Variants in NLGN1 observed in about 807,000 individuals in gnomAD.
NLGN1 encodes neuroligin-1.
NLGN1 carries 12 observed loss-of-function variants against 65.5 expected under a neutral mutation model. The observed-to-expected ratio is 0.18, with a 90% CI of 0.12 to 0.30. The LOEUF is 0.30. Among genes scored for constraint, NLGN1 ranks in the 10% least tolerant of loss-of-function variants. The pLI is 1.00. For synonymous variants in NLGN1, 350 were observed against 359.5 expected (o/e 0.97, Z 0.30); for missense variants, 750 against 1,007.1 (o/e 0.74, Z 3.46).
intron 4 of NLGN1, among the ~76,000 whole-genome samples, chr3:173,893,017 T>C (rs1209287491): frequency 6.6e-6 from 1 of 152,178 alleles, no homozygotes; most frequent in Non-Finnish European, 1.5e-5. Flanking sequence ...GCTAATTACA[T>C]TAATATTTGA....
At chr3:173,810,592 G>A (rs77188935) in intron 4 of NLGN1, among the ~76,000 whole-genome samples, 3,477 of 152,294 alleles carry the variant, frequency 0.023, 120 homozygotes, top group East Asian at 0.17. Context: ...ATTTGAACTT[G>A]CCATGTGGAG....
At chr3:174,007,759 G>C (rs1027251217) in intron 4 of NLGN1, among the ~76,000 whole-genome samples, 12 of 152,160 alleles carry the variant, frequency 7.9e-5, no homozygotes, top group African/African-American at 2.9e-4. Context: ...CTTAGCAGGA[G>C]TCATGTTTTA....
chr3:174,160,792 C>A (rs1473146023), intron 4 of NLGN1, among the ~76,000 whole-genome samples: 1 of 151,344 alleles, frequency 6.6e-6, no homozygotes, highest in Admixed American at 6.6e-5. Context: ...ACAATCAGTT[C>A]TTTTAATTAT....
intron 4 of NLGN1, among the ~76,000 whole-genome samples, chr3:174,063,670 A>C (rs1346953537): frequency 1.3e-5 from 2 of 152,046 alleles, no homozygotes; most frequent in Non-Finnish European, 2.9e-5. Context: ...TAATGTGTGT[A>C]TTTATGTGTG....
intron 4 of NLGN1, among the ~76,000 whole-genome samples, chr3:174,063,434 A>C (rs2152521701): frequency 6.6e-6 from 1 of 152,276 alleles, no homozygotes; most frequent in Admixed American, 6.5e-5. Flanking sequence ...GGAAATTATC[A>C]ATTTTGAGAT....
chr3:174,145,196 G>C (rs149330354), intron 4 of NLGN1, among the ~76,000 whole-genome samples: 1 of 151,982 alleles, frequency 6.6e-6, no homozygotes, highest in South Asian at 2.1e-4. Context: ...TACCTATTTT[G>C]TATTTACAGA....
In NLGN1 at chr3:173,594,937, A is replaced by C. The variant is rs61566992; in HGVS notation, c.-320-9342A>C. On this transcript the variant is annotated intron_variant, in intron 2 of 6. Transcript: ENST00000457714. ...TGGAGCAGCTGGGACACAGAGAACCAAGTCTGTAGATTGCACACAGCACAG... is the reference window on the plus strand; with the variant it reads ...TGGAGCAGCTGGGACACAGAGAACCCAGTCTGTAGATTGCACACAGCACAG... Among the ~76,000 whole-genome samples the C allele has an allele frequency of 5.9e-5, 9 of 152,262 alleles. No individual in the cohort carries two copies. In the East Asian group the frequency reaches 9.7e-4, roughly 16 times the overall value.
intron 2 of NLGN1, among the ~76,000 whole-genome samples, chr3:173,524,172 C>T (rs1192725675): frequency 2.6e-5 from 4 of 151,718 alleles, no homozygotes; most frequent in Non-Finnish European, 4.4e-5. Context: ...GTGATCTGCC[C>T]GCCTCAGCCT....
intron 3 of NLGN1, among the ~76,000 whole-genome samples, chr3:173,676,479 T>C (rs1421681413): frequency 6.6e-6 from 1 of 152,188 alleles, no homozygotes; most frequent in Non-Finnish European, 1.5e-5. Flanking sequence ...AGAATATACA[T>C]GCTATGTGTT....
intron 4 of NLGN1, among the ~76,000 whole-genome samples, chr3:173,952,090 T>G (rs932732979): frequency 2.6e-5 from 4 of 152,186 alleles, no homozygotes; most frequent in African/African-American, 9.6e-5. Flanking sequence ...AGGGGTGGGA[T>G]GCAGGTAGGA....
At chr3:173,879,235 CAA>C (rs142935633) in intron 4 of NLGN1, among the ~76,000 whole-genome samples, 3 of 128,566 alleles carry the variant, frequency 2.3e-5, no homozygotes. Flanking sequence ...TTGTCTCAGA[CAA>C]AAAAAAAAAG....
At chr3:173,894,593 A>G (rs1432866033) in intron 4 of NLGN1, among the ~76,000 whole-genome samples, 1 of 151,510 alleles carries the variant, frequency 6.6e-6, no homozygotes, top group East Asian at 1.9e-4. Flanking sequence ...ACATTTTTAA[A>G]TGTTTAAAAT....
At chr3:174,043,616 G>A (rs1732845258) in intron 4 of NLGN1, among the ~76,000 whole-genome samples, 2 of 152,236 alleles carry the variant, frequency 1.3e-5, no homozygotes, top group Admixed American at 6.5e-5. Flanking sequence ...AGGTCATGCT[G>A]ATGCAAGAGG....
chr3:173,718,368 T>C (rs970137833), intron 3 of NLGN1, among the ~76,000 whole-genome samples: 1 of 152,130 alleles, frequency 6.6e-6, no homozygotes, highest in Non-Finnish European at 1.5e-5. Context: ...ATCTTTTTAG[T>C]TCCCAAATAT....
intron 2 of NLGN1, among the ~76,000 whole-genome samples, chr3:173,462,010 A>G (rs77735829): frequency 0.072 from 10,973 of 152,280 alleles, 458 homozygotes; most frequent in Middle Eastern, 0.2. Flanking sequence ...AACATTTTCT[A>G]TAAGTTATTA....
chr3:173,959,070 C>T (rs954099291), intron 4 of NLGN1, among the ~76,000 whole-genome samples: 3 of 152,194 alleles, frequency 2.0e-5, no homozygotes, highest in African/African-American at 4.8e-5. Context: ...CCCAGGCCCT[C>T]GAGAGTGCAG....
intron 4 of NLGN1, among the ~76,000 whole-genome samples, chr3:173,983,271 A>G (rs2152396858): frequency 6.6e-6 from 1 of 152,254 alleles, no homozygotes; most frequent in East Asian, 1.9e-4. Context: ...GCTAGAAGTA[A>G]CTTGTAATTA....
chr3:174,200,686 TA>T, intron 4 of NLGN1, among the ~76,000 whole-genome samples: 1 of 152,204 alleles, frequency 6.6e-6, no homozygotes, highest in East Asian at 1.9e-4. Flanking sequence ...GCAATAATAT[TA>T]ACAATCTTTT....
intron 2 of NLGN1, among the ~76,000 whole-genome samples, chr3:173,470,371 A>G (rs765822493): frequency 6.6e-6 from 1 of 152,000 alleles, no homozygotes; most frequent in African/African-American, 2.4e-5. Flanking sequence ...CTTCCTCCAG[A>G]TATATACATT....
Sources: gnomAD v4.1 joint callset for allele counts (sites outside exome capture counted in the v4.1 genomes callset) on GRCh38, gnomAD v4.1.1 for gene constraint, MANE v1.5 for transcripts, NCBI Gene and HGNC (gene_info 2026-07-23, HGNC 2026-07-21) for gene names.